The following ABCA6 variants were observed in gnomAD, a reference collection of about 807,000 sequenced individuals.
The protein encoded by ABCA6 is ATP-binding cassette sub-family A member 6.
A neutral mutation model predicts 191.2 loss-of-function variants in ABCA6; 164 were observed. That is an observed-to-expected ratio of 0.86 (90% CI 0.76 to 0.98). The LOEUF (loss-of-function observed/expected upper bound fraction) is 0.98. Among genes scored for constraint, ABCA6 ranks in the 50% least tolerant of loss-of-function variants. The pLI is 0.00. For missense variants in ABCA6, 1,958 were observed against 1,894.1 expected (o/e 1.03, Z -0.63); for synonymous variants, 636 against 647.7 (o/e 0.98, Z 0.27).
intron 17 of ABCA6, chr17:69,110,578 G>A: frequency 2.3e-6 from 1 of 441,040 alleles, no homozygotes; most frequent in Non-Finnish European, 4.0e-6. Context: ...AGACTTCCCT[G>A]GCTGCCTTCC....
chr17:69,107,314 T>C (rs1329877021), intron 18 of ABCA6, among the ~76,000 whole-genome samples: 2 of 152,152 alleles, frequency 1.3e-5, no homozygotes, highest in African/African-American at 2.4e-5. Flanking sequence ...CAAGAGTGGA[T>C]ACTGAGAATT....
intron 15 of ABCA6, 31 bp downstream of exon 15, chr17:69,113,191 A>T (rs777828746): frequency 3.8e-6 from 6 of 1,581,922 alleles, no homozygotes; most frequent in Middle Eastern, 1.7e-4. Flanking sequence ...CAATTGCATC[A>T]TGGTAACACT....
intron 8 of ABCA6, 49 bp downstream of exon 8, chr17:69,128,570 T>C: frequency 1.4e-6 from 2 of 1,468,362 alleles, no homozygotes; most frequent in South Asian, 1.3e-5. Flanking sequence ...GTATGAAGTA[T>C]CTACTTCTTT....
At chr17:69,094,059 G>A (rs763920) in intron 25 of ABCA6, among the ~76,000 whole-genome samples, 97,934 of 152,036 alleles carry the variant, frequency 0.64, 32,347 homozygotes, top group African/African-American at 0.76. Flanking sequence ...AATCATACGT[G>A]TATGTGTTTT....
chr17:69,127,223 A>C (rs2073770480), intron 8 of ABCA6, among the ~76,000 whole-genome samples: 2 of 152,160 alleles, frequency 1.3e-5, no homozygotes, highest in South Asian at 2.1e-4. Context: ...ATCTTTGTAA[A>C]CTTGGTGTAG....
chr17:69,111,297 G>A (rs1006330963), intron 16 of ABCA6: 9 of 157,430 alleles, frequency 5.7e-5, no homozygotes, highest in Non-Finnish European at 1.3e-4. Context: ...TTAGCTAGTA[G>A]AGAAAATCTG....
intron 9 of ABCA6, among the ~76,000 whole-genome samples, chr17:69,123,976 A>G (rs2073700304): frequency 6.6e-6 from 1 of 152,092 alleles, no homozygotes; most frequent in Non-Finnish European, 1.5e-5. Flanking sequence ...ATATTTGGGA[A>G]GACACAAAGC....
intron 9 of ABCA6, among the ~76,000 whole-genome samples, 165 bp downstream of exon 9, chr17:69,124,723 T>C (rs1428719560): frequency 6.6e-6 from 1 of 151,928 alleles, no homozygotes; most frequent in Non-Finnish European, 1.5e-5. Flanking sequence ...TGTTTTTACA[T>C]AAAAATTTCA....
chr17:69,086,027 T>C (rs954808013), intron 30 of ABCA6, among the ~76,000 whole-genome samples: 2 of 152,158 alleles, frequency 1.3e-5, no homozygotes. Context: ...CATGTATGAA[T>C]GATTCTCAAA....
intron 37 of ABCA6, among the ~76,000 whole-genome samples, 158 bp downstream of exon 37, chr17:69,080,908 T>C (rs2072614502): frequency 6.6e-6 from 1 of 152,174 alleles, no homozygotes; most frequent in African/African-American, 2.4e-5. Flanking sequence ...GTAACCTAAA[T>C]TGGGATTAAA....
chr17:69,096,954 A>AT (rs1490627792), intron 23 of ABCA6, among the ~76,000 whole-genome samples, 153 bp from the exon 24 acceptor site: 1 of 152,208 alleles, frequency 6.6e-6, no homozygotes, highest in Non-Finnish European at 1.5e-5. Context: ...GCTTAGTAAC[A>AT]TGAGGCTTAT....
At position 69,091,307 on chromosome 17, in the gene ABCA6, A is replaced by G. The variant is rs568829315; in HGVS notation, c.3409-45T>C. 3 of 1,594,068 alleles carry G rather than the reference A, an allele frequency of 1.9e-6. No individual in the cohort carries two copies. In the African/African-American group the frequency reaches 4.0e-5, roughly 21 times the overall value. On this transcript the variant is annotated intron_variant, in intron 25 of 38. Coordinates refer to ENST00000284425, the MANE Select transcript of ABCA6 (RefSeq NM_080284.3). ...ATATTGTATCAGACATACTCAACCC[A>G]TTGATATTTTGTAAAACATTTAAGA...
In ABCA6 at chr17:69,085,627, C is replaced by T. The variant is rs200806055; in HGVS notation, c.4027G>A (p.Glu1343Lys). ...AATGGAAACCATTTCCTCACTACCT[C>T]TCCAGCAGTTGGCTTTGTGATCCCA... is the stretch of plus-strand genomic sequence containing the variant. ...ISGITKPTAG[E>K]VELKGCSSVL... The change falls in exon 31 of 39, where the codon GAG becomes AAG. Residue 1343 changes from glutamate (E) to lysine (K), a missense_variant and splice_region_variant. Physicochemically the swap from Glu to Lys is moderately conservative, Grantham distance 56. Coordinates refer to ENST00000284425, the MANE Select transcript of ABCA6 (RefSeq NM_080284.3). 1 of 1,609,284 alleles carries T rather than the reference C, an allele frequency of 6.2e-7. No homozygotes were observed. Among genetic ancestry groups the T allele is most frequent in the African/African-American group, 1.3e-5 (1 of 74,896 alleles).
Position 69,133,771 on chromosome 17 carries a change from C to T in ABCA6, c.661G>A (p.Glu221Lys), listed in dbSNP as rs1445761287. 4 of 1,611,416 alleles carry T rather than the reference C, an allele frequency of 2.5e-6. No individual in the cohort carries two copies. Among genetic ancestry groups the T allele is most frequent in the Non-Finnish European group, 3.4e-6 (4 of 1,178,078 alleles). Residue 221 changes from glutamate to lysine, a missense_variant, in exon 6 of 39, where the codon GAG becomes AAG. Transcript: ENST00000284425. ...AGCAAGAAGAATAAAATAAACATCT[C>T]ATTGTGAAGAAGATTTTTAGTTATG... is the stretch of plus-strand genomic sequence containing the variant. The part of the protein sequence containing the change: ...PFITKNLLHN[E>K]MFILFFLLHF...
chr17:69,082,861 A>T lies in ABCA6; in HGVS notation c.4616+12T>A, dbSNP rs972155702. On this transcript the variant is annotated intron_variant, in intron 36 of 38. Coordinates refer to ENST00000284425, the MANE Select transcript of ABCA6 (RefSeq NM_080284.3). The stretch of plus-strand genomic sequence containing the variant: ...CCCTCCATATTTCTCCATAATCAAA[A>T]GCCCGTCTCACCTTTCCTGCCCTGC... 2.5e-6 allele frequency: 4 copies of T among 1,613,898 alleles called. No homozygotes were observed. The highest frequency in any genetic ancestry group is 1.7e-5 in the Admixed American group (1 of 59,984).
At chr17:69,138,415 A>G (rs1057414193) in intron 2 of ABCA6, among the ~76,000 whole-genome samples, 2 of 152,060 alleles carry the variant, frequency 1.3e-5, no homozygotes, top group African/African-American at 4.8e-5. Context: ...TAAGTATTTT[A>G]TTCTCTTTGA....
At chr17:69,084,931 T>C (rs1189936627) in intron 32 of ABCA6, 97 bp downstream of exon 32, 3 of 1,420,176 alleles carry the variant, frequency 2.1e-6, no homozygotes, top group South Asian at 1.6e-5. Context: ...AAGGTGGAGA[T>C]AGCATATTGA....
At chr17:69,133,912 A>C in intron 5 of ABCA6, 45 bp from the exon 6 acceptor site, 1 of 1,312,108 alleles carries the variant, frequency 7.6e-7, no homozygotes, top group Non-Finnish European at 1.0e-6. Flanking sequence ...TAAAAGATAG[A>C]AACTGGTGAA....
intron 23 of ABCA6, among the ~76,000 whole-genome samples, chr17:69,097,435 A>G (rs2073075301): frequency 6.6e-6 from 1 of 152,102 alleles, no homozygotes; most frequent in Non-Finnish European, 1.5e-5. Flanking sequence ...TGGAGGACAT[A>G]ATACATTTAC....
Sources: gnomAD v4.1 joint callset for allele counts (sites outside exome capture counted in the v4.1 genomes callset) on GRCh38, gnomAD v4.1.1 for gene constraint, MANE v1.5 for transcripts, NCBI Gene and HGNC (gene_info 2026-07-23, HGNC 2026-07-21) for gene names.